The following ADAMTS12 variants were observed in gnomAD, a reference collection of about 807,000 sequenced individuals.
ADAMTS12 encodes the protein ADAM metallopeptidase with thrombospondin type 1 motif 12.
A neutral mutation model predicts 167.8 loss-of-function variants in ADAMTS12; 118 were observed. The ratio of observed to expected loss-of-function variants is 0.70; its 90% CI spans 0.61 to 0.82. The LOEUF is 0.82. Among genes scored for constraint, ADAMTS12 ranks in the 40% least tolerant of loss-of-function variants. The pLI, the probability that ADAMTS12 is intolerant of heterozygous loss-of-function variation, is 0.00. For synonymous variants in ADAMTS12, 704 were observed against 716.9 expected, an observed-to-expected ratio of 0.98 and a Z score of 0.29; for missense variants, 1,916 against 1,998.8, an observed-to-expected ratio of 0.96 and a Z score of 0.79.
At chr5:33,716,765 G>A (rs1434096627) in intron 3 of ADAMTS12, among the ~76,000 whole-genome samples, 1 of 152,060 alleles carries the variant, frequency 6.6e-6, no homozygotes, top group African/African-American at 2.4e-5. Context: ...GGATCATCAT[G>A]ATAAAGATCA....
chr5:33,684,580 A>T (rs1742253650), intron 3 of ADAMTS12, among the ~76,000 whole-genome samples: 1 of 152,208 alleles, frequency 6.6e-6, no homozygotes, highest in African/African-American at 2.4e-5. Flanking sequence ...CATTTTTAAA[A>T]ATATACATCA....
At chr5:33,868,800 A>G (rs1005206480) in intron 2 of ADAMTS12, among the ~76,000 whole-genome samples, 6 of 152,238 alleles carry the variant, frequency 3.9e-5, no homozygotes, top group African/African-American at 1.4e-4. Context: ...TTAGCTCATC[A>G]GCTATCATTA....
At chr5:33,665,698 C>T (rs1227043699) in intron 5 of ADAMTS12, among the ~76,000 whole-genome samples, 1 of 152,076 alleles carries the variant, frequency 6.6e-6, no homozygotes, top group Non-Finnish European at 1.5e-5. Context: ...GCATCAGGTT[C>T]AAGAGACTGA....
rs1286600073 is a variant in ADAMTS12, at chr5:33,571,711, T to C, written c.3972+4343A>G. Among the ~76,000 whole-genome samples the C allele has an allele frequency of 5.4e-5, 8 of 149,332 alleles. No homozygotes were observed. In the East Asian group the frequency reaches 1.6e-3, roughly 30 times the overall value. The stretch of plus-strand genomic sequence containing the variant: ...AACTAGAAAAGCAAGAGCAAACACA[T>C]TCAAAAGCTAGCAGACGGCAAGAAA... On this transcript the variant is annotated intron_variant, in intron 19 of 23. Transcript: ENST00000504830.
At position 33,560,086 on chromosome 5, in the gene ADAMTS12, T is replaced by C. The variant is rs149564680; in HGVS notation, c.4125+941A>G. On this transcript the variant is annotated intron_variant, in intron 20 of 23. Transcript: ENST00000504830. ...TCATTAAAATGCTAAATTGAAGTAA[T>C]ATAGAAATAGCATTGCATGCTGGAG... is the stretch of plus-strand genomic sequence containing the variant. 2.2e-3 allele frequency among the ~76,000 whole-genome samples: 335 copies of C among 152,336 alleles called. 1 individual carries two copies. Among genetic ancestry groups the C allele is most frequent in the African/African-American group, 7.6e-3 (314 of 41,584 alleles).
At chr5:33,557,146 G>C (rs1268736040) in intron 20 of ADAMTS12, among the ~76,000 whole-genome samples, 1 of 152,208 alleles carries the variant, frequency 6.6e-6, no homozygotes. Flanking sequence ...GAGTAACCTG[G>C]ATGCCTCAGG....
At chr5:33,825,711 T>G (rs916102574) in intron 2 of ADAMTS12, among the ~76,000 whole-genome samples, 1 of 152,244 alleles carries the variant, frequency 6.6e-6, no homozygotes, top group Non-Finnish European at 1.5e-5. Context: ...GTATGGTTTT[T>G]GCTTTGCAAA....
At chr5:33,693,827 G>T (rs578106141) in intron 3 of ADAMTS12, among the ~76,000 whole-genome samples, 1 of 151,996 alleles carries the variant, frequency 6.6e-6, no homozygotes, top group Non-Finnish European at 1.5e-5. Flanking sequence ...AAGCAATCAG[G>T]CAAGAAAAAG....
At chr5:33,690,149 C>A (rs1742498883) in intron 3 of ADAMTS12, among the ~76,000 whole-genome samples, 1 of 152,210 alleles carries the variant, frequency 6.6e-6, no homozygotes, top group Non-Finnish European at 1.5e-5. Flanking sequence ...GTGTGTGCAT[C>A]CATTAGCAAC....
intron 20 of ADAMTS12, among the ~76,000 whole-genome samples, 200 bp downstream of exon 20, chr5:33,560,827 A>T (rs1745709376): frequency 6.8e-6 from 1 of 146,918 alleles, no homozygotes; most frequent in South Asian, 2.3e-4. Context: ...GTAAATGACG[A>T]GTTAATGGGT....
chr5:33,848,207 A>T (rs1034557854), intron 2 of ADAMTS12, among the ~76,000 whole-genome samples: 1 of 150,464 alleles, frequency 6.6e-6, no homozygotes, highest in Non-Finnish European at 1.5e-5. Flanking sequence ...ACAGAGTAAG[A>T]CTCTGTTTAA....
At chr5:33,849,462 TATATATATATGTATTGCAC>T (rs1749115831) in intron 2 of ADAMTS12, among the ~76,000 whole-genome samples, 1 of 108,280 alleles carries the variant, frequency 9.2e-6, no homozygotes, top group African/African-American at 4.9e-5. Context: ...TGCACAGCAA[TATATATATATGTATTGCAC>T]AGCAATATAT....
chr5:33,784,140 T>G (rs1222169055), intron 2 of ADAMTS12, among the ~76,000 whole-genome samples: 1 of 151,800 alleles, frequency 6.6e-6, no homozygotes, highest in African/African-American at 2.4e-5. Flanking sequence ...GAAAAGTCCT[T>G]GACAAAAATC....
intron 3 of ADAMTS12, among the ~76,000 whole-genome samples, chr5:33,729,789 T>C (rs1228651176): frequency 6.6e-6 from 1 of 152,068 alleles, no homozygotes; most frequent in African/African-American, 2.4e-5. Context: ...AAAGTTTCTC[T>C]CTAAATAAAG....
At chr5:33,643,524 T>C in intron 9 of ADAMTS12, 54 bp from the exon 10 acceptor site, 1 of 1,532,790 alleles carries the variant, frequency 6.5e-7, no homozygotes, top group Non-Finnish European at 9.0e-7. Context: ...ACAAAGCATT[T>C]CTATAGTTAC....
chr5:33,616,152 T>A, intron 14 of ADAMTS12, 80 bp from the exon 15 acceptor site: 1 of 1,542,358 alleles, frequency 6.5e-7, no homozygotes, highest in Non-Finnish European at 8.7e-7. Context: ...CCACTGTTAA[T>A]CCTCTTTCCA....
Position 33,805,292 on chromosome 5 carries a change from T to C in ADAMTS12, c.490-53744A>G, listed in dbSNP as rs113801257. Reference sequence around the variant, plus strand: ...ATTATATAACAAATTTTAAAAATTATTGGTGAAAGTAGGGTCTTGTTAATT... The same window carrying C: ...ATTATATAACAAATTTTAAAAATTACTGGTGAAAGTAGGGTCTTGTTAATT... On this transcript the variant is annotated intron_variant, in intron 2 of 23. Coordinates refer to ENST00000504830, the MANE Select transcript of ADAMTS12 (RefSeq NM_030955.4). Among the ~76,000 whole-genome samples the C allele has an allele frequency of 3.5e-4, 53 of 152,270 alleles. 1 individual carries two copies. Among genetic ancestry groups the C allele is most frequent in the African/African-American group, 1.2e-3 (50 of 41,544 alleles).
chr5:33,596,200 G>A (rs1389273564), intron 16 of ADAMTS12, 140 bp from the exon 17 acceptor site: 1 of 1,091,618 alleles, frequency 9.2e-7, no homozygotes, highest in Non-Finnish European at 1.3e-6. Context: ...TTTTAAAGGA[G>A]GGATGAAGAA....
chr5:33,678,122 C>T (rs1259290554), intron 5 of ADAMTS12, among the ~76,000 whole-genome samples: 2 of 152,146 alleles, frequency 1.3e-5, no homozygotes, highest in Non-Finnish European at 2.9e-5. Context: ...CGGGATTCCC[C>T]ACCTCACACA....
Sources: allele counts gnomAD v4.1 joint callset (sites outside exome capture counted in the v4.1 genomes callset), GRCh38; gene constraint gnomAD v4.1.1; transcripts MANE v1.5; gene names NCBI Gene and HGNC (gene_info 2026-07-23, HGNC 2026-07-21).